Variants in LRRTM1 observed in about 807,000 individuals in gnomAD.
LRRTM1 encodes leucine rich repeat transmembrane neuronal 1.
LRRTM1 carries 8 observed loss-of-function variants against 37.3 expected under a neutral mutation model. That is an observed-to-expected ratio of 0.21 (90% CI 0.13 to 0.39). The LOEUF is 0.39. LRRTM1 is among the 10% of genes least tolerant of loss of function. The pLI is 1.00. For synonymous variants in LRRTM1, 326 were observed against 316.8 expected, an observed-to-expected ratio of 1.03 and a Z score of -0.31; for missense variants, 557 against 691.0, an observed-to-expected ratio of 0.81 and a Z score of 2.17.
chr2:80,289,738 G>A (rs1675076038), intron 2 of LRRTM1, among the ~76,000 whole-genome samples: 1 of 152,108 alleles, frequency 6.6e-6, no homozygotes, highest in Non-Finnish European at 1.5e-5. Flanking sequence ...TCACACTAGT[G>A]ACTGTCTAAG....
rs1468994157 is a variant in LRRTM1 at position 80,302,735 on chromosome 2, A to T, written c.1085T>A (p.Leu362Gln). ...DVLDAVYAFH[L>Q]CEDGAEPTSG... The stretch of plus-strand genomic sequence containing the variant: ...GGTGGGCTCGGCCCCATCCTCGCAC[A>T]GGTGGAAGGCGTACACGGCGTCCAG... The change falls in exon 2 of 2, where the codon CTG (leucine) becomes CAG (glutamine). Residue 362 changes from leucine to glutamine, a missense_variant. By Grantham distance (113) the Leu-to-Gln change is moderately radical. Around this residue, in one of 5 missense-constraint regions of LRRTM1, gnomAD observed 89 missense variants for 80.7 expected, o/e 1.10. Transcript: ENST00000295057. The surrounding 1 kb of genome is among the most constrained non-coding windows in gnomAD (Gnocchi z 6.4). 6.2e-7 allele frequency: 1 copy of T among 1,612,990 alleles called. No homozygotes were observed. The highest frequency in any genetic ancestry group is 8.5e-7 in the Non-Finnish European group (1 of 1,179,904).
At position 80,302,392 on chromosome 2, in the gene LRRTM1, G is replaced by A; in HGVS notation, c.1428C>T (p.Thr476=). ...TQRRKQKQKQ[T]MHQMAAMSAQ... is the part of the protein sequence containing the mutation. ...CAGACATGGCAGCCATCTGATGCAT[G>A]GTCTGTTTCTGCTTTTGCTTCCTGC... Residue 476 remains threonine, a synonymous_variant, in exon 2 of 2, where the codon ACC becomes ACT. Coordinates refer to ENST00000295057, the MANE Select transcript of LRRTM1 (RefSeq NM_178839.5). This position sits in a 1 kb window ranked among gnomAD's most constrained non-coding sequence, Gnocchi z 6.4. 7.4e-6 allele frequency: 12 copies of A among 1,614,242 alleles called. No homozygotes were observed. The highest frequency in any genetic ancestry group is 1.0e-5 in the Non-Finnish European group (12 of 1,180,044).
rs1482166280 is a variant in LRRTM1, at chr2:80,303,642, C to T, written c.178G>A (p.Ala60Thr). The change falls in exon 2 of 2, where the codon GCG (alanine) becomes ACG (threonine). Residue 60 changes from alanine (A) to threonine (T), a missense_variant. By Grantham distance (58) the Ala-to-Thr change is moderately conservative. Around this residue, in one of 5 missense-constraint regions of LRRTM1, gnomAD observed 140 missense variants for 138.1 expected, o/e 1.01. Coordinates refer to ENST00000295057, the MANE Select transcript of LRRTM1 (RefSeq NM_178839.5). The surrounding 1 kb of genome is among the most constrained non-coding windows in gnomAD (Gnocchi z 7.7). ...LYCEALNLTE[A>T]PHNLSGLLGL... Reference sequence around the variant, plus strand: ...AGCAGGCCGGACAGGTTGTGGGGCGCCTCGGTGAGGTTGAGCGCCTCGCAG... The same window carrying T: ...AGCAGGCCGGACAGGTTGTGGGGCGTCTCGGTGAGGTTGAGCGCCTCGCAG... 1.2e-6 allele frequency: 2 copies of T among 1,613,428 alleles called. No individual in the cohort carries two copies. The highest frequency in any genetic ancestry group is 1.7e-6 in the Non-Finnish European group (2 of 1,179,620).
At chr2:80,299,184 A>G (rs748054668), downstream of LRRTM1, 1 of 151,812 alleles carries the variant, frequency 6.6e-6, no homozygotes, top group Non-Finnish European at 1.5e-5. Flanking sequence ...TGGGAAGAAT[A>G]AAAAAAAGGT....
chr2:80,297,038 G>A (rs917606288), downstream of LRRTM1, among the ~76,000 whole-genome samples: 3 of 152,160 alleles, frequency 2.0e-5, no homozygotes, highest in Non-Finnish European at 4.4e-5. Context: ...CGGACTGAAT[G>A]TACTGGCCAT....
chr2:80,303,739 G>A lies in LRRTM1; in HGVS notation c.81C>T (p.Ala27=). ...PSGVVLCLLG[A]CFQMLPAAPS... ...GGGCGGCGGGCAGCATCTGAAAGCA[G>A]GCCCCCAGCAGACACAAGACCACCC... The change falls in exon 2 of 2, where the codon GCC becomes GCT. Residue 27 remains alanine (A), a synonymous_variant. Coordinates refer to ENST00000295057, the MANE Select transcript of LRRTM1 (RefSeq NM_178839.5). This position sits in a 1 kb window ranked among gnomAD's most constrained non-coding sequence, Gnocchi z 7.7. The A allele has an allele frequency of 6.3e-7, 1 of 1,599,994 alleles. No homozygotes were observed. Among genetic ancestry groups the A allele is most frequent in the Non-Finnish European group, 8.5e-7 (1 of 1,173,360 alleles).
At chr2:80,294,514 A>G (rs941318982) in intron 2 of LRRTM1, among the ~76,000 whole-genome samples, 9 of 151,996 alleles carry the variant, frequency 5.9e-5, no homozygotes, top group Non-Finnish European at 1.2e-4. Flanking sequence ...ATGTCTTTTT[A>G]AAGAGCTGCA....
At chr2:80,299,100 G>T (rs1383636661), downstream of LRRTM1, 1 of 152,092 alleles carries the variant, frequency 6.6e-6, no homozygotes, top group Non-Finnish European at 1.5e-5. Flanking sequence ...CCATCACAAT[G>T]CCCAGGACGA....
intron 2 of LRRTM1, among the ~76,000 whole-genome samples, chr2:80,293,717 C>A (rs2149185168): frequency 6.6e-6 from 1 of 152,266 alleles, no homozygotes; most frequent in African/African-American, 2.4e-5. Flanking sequence ...CTCCACCGAT[C>A]AGTGTCCTAC....
chr2:80,304,027 A>G, intron 1 of LRRTM1, 125 bp downstream of exon 1: 1 of 497,792 alleles, frequency 2.0e-6, no homozygotes, highest in Non-Finnish European at 3.4e-6. Context: ...GGCAGCATAG[A>G]AAGTTCACAG....
Position 80,294,694 on chromosome 2 carries a change from A to G in LRRTM1, c.*307-5499T>C, listed in dbSNP as rs143289649. On this transcript the variant is annotated intron_variant and NMD_transcript_variant, in intron 2 of 2. Coordinates refer to the LRRTM1 transcript ENST00000417012. ...CCTCACCAAGGCCACACCCCAGACC[A>G]GTTAACTCACAATCTGTTGAGGGTG... is the stretch of plus-strand genomic sequence containing the variant. Among the ~76,000 whole-genome samples the G allele has an allele frequency of 2.6e-4, 40 of 152,256 alleles. No individual in the cohort carries two copies. The East Asian group carries it at 6.6e-3, about 25-fold the overall frequency.
chr2:80,297,995 ATGTG>A (rs377223222), downstream of LRRTM1, among the ~76,000 whole-genome samples: 5 of 150,776 alleles, frequency 3.3e-5, no homozygotes, highest in East Asian at 1.9e-4. Context: ...GTGGTTATAT[ATGTG>A]TGTGTGTGTG....
chr2:80,299,045 C>T (rs1676009558), downstream of LRRTM1: 1 of 152,124 alleles, frequency 6.6e-6, no homozygotes, highest in African/African-American at 2.4e-5. Context: ...AATACCACTG[C>T]TGAACTTTAA....
downstream of LRRTM1, chr2:80,299,335 A>G (rs1401175001): frequency 6.6e-6 from 1 of 152,162 alleles, no homozygotes; most frequent in Non-Finnish European, 1.5e-5. Context: ...AGTTAAAACT[A>G]CCACTTTCCC....
intron 2 of LRRTM1, among the ~76,000 whole-genome samples, chr2:80,292,478 G>A (rs1238147658): frequency 6.6e-6 from 1 of 152,088 alleles, no homozygotes; most frequent in Non-Finnish European, 1.5e-5. Context: ...TACTCTGAAC[G>A]AGGAGGGATG....
chr2:80,292,182 C>G (rs908261139), intron 2 of LRRTM1, among the ~76,000 whole-genome samples: 5 of 152,176 alleles, frequency 3.3e-5, no homozygotes, highest in African/African-American at 1.2e-4. Flanking sequence ...AAACACTTAT[C>G]TAGTACTTGC....
chr2:80,292,941 T>A (rs1231213645), intron 2 of LRRTM1, among the ~76,000 whole-genome samples: 1 of 152,112 alleles, frequency 6.6e-6, no homozygotes, highest in South Asian at 2.1e-4. Flanking sequence ...TGAAATAATA[T>A]GCAAAAAAGA....
At position 80,292,607 on chromosome 2, in the gene LRRTM1, A is replaced by T. The variant is rs76547029; in HGVS notation, c.*307-3412T>A. On this transcript the variant is annotated intron_variant and NMD_transcript_variant, in intron 2 of 2. Transcript: ENST00000417012. ...GGTGGAGGTCATGTTTCATAAATGG[A>T]TCAAGAAGAAGTGGAGGCCTCTTCT... Among the ~76,000 whole-genome samples the T allele has an allele frequency of 4.7e-4, 72 of 152,298 alleles. No homozygotes were observed. In the East Asian group the frequency reaches 0.014, roughly 29 times the overall value.
At chr2:80,298,725 T>A (rs1040122437), downstream of LRRTM1, 2 of 152,252 alleles carry the variant, frequency 1.3e-5, no homozygotes, top group African/African-American at 4.8e-5. Flanking sequence ...TTTGATGAGT[T>A]CAGAAGAATA....
Sources: allele counts gnomAD v4.1 joint callset (sites outside exome capture counted in the v4.1 genomes callset), GRCh38; gene constraint gnomAD v4.1.1; regional missense constraint gnomAD v4.1.1; non-coding constraint Gnocchi (gnomAD v3.1); transcripts MANE v1.5; gene names NCBI Gene and HGNC (gene_info 2026-07-23, HGNC 2026-07-21).